USP34: variants seen among roughly 807,000 people sequenced by gnomAD.
USP34 encodes ubiquitin carboxyl-terminal hydrolase 34.
In USP34, 70 loss-of-function variants were observed where a neutral mutation model predicts 460.3. The ratio of observed to expected loss-of-function variants is 0.15; its 90% confidence interval spans 0.13 to 0.19. The LOEUF (loss-of-function observed/expected upper bound fraction) is 0.19, where lower values mean the gene tolerates loss of function less well. USP34 is among the 10% of genes least tolerant of loss of function. USP34 has a pLI of 1.00. For synonymous variants in USP34, 1,647 were observed against 1,405.3 expected, an observed-to-expected ratio of 1.17 and a Z score of -3.85; for missense variants, 3,985 against 4,236.2, an observed-to-expected ratio of 0.94 and a Z score of 1.65.
At chr2:61,277,783 T>C (rs1325926724) in intron 41 of USP34, 2 of 169,896 alleles carry the variant, frequency 1.2e-5, no homozygotes, top group Non-Finnish European at 2.5e-5. Flanking sequence ...ATTCCCATTG[T>C]TGTGGGAGGG....
At chr2:61,360,628 G>C (rs1331458006) in intron 10 of USP34, among the ~76,000 whole-genome samples, 3 of 152,176 alleles carry the variant, frequency 2.0e-5, no homozygotes, top group African/African-American at 7.2e-5. Flanking sequence ...AAAATCTACA[G>C]AGTCAACGCA....
chr2:61,314,411 C>A (rs1010306105), intron 25 of USP34, among the ~76,000 whole-genome samples, 174 bp downstream of exon 25: 3 of 152,056 alleles, frequency 2.0e-5, no homozygotes, highest in Non-Finnish European at 2.9e-5. Flanking sequence ...TATTCCAAGG[C>A]AAAATGGTAT....
chr2:61,350,430 G>A, intron 11 of USP34, 41 bp from the exon 12 acceptor site: 1 of 1,585,740 alleles, frequency 6.3e-7, no homozygotes, highest in Non-Finnish European at 8.6e-7. Flanking sequence ...AGAATTCCAG[G>A]CAACACTAAC....
intron 2 of USP34, among the ~76,000 whole-genome samples, chr2:61,407,296 G>A (rs1693903382): frequency 6.7e-6 from 1 of 149,020 alleles, no homozygotes; most frequent in African/African-American, 2.5e-5. Context: ...AGAGGCTTGA[G>A]CCCAGGAGGC....
intron 69 of USP34, among the ~76,000 whole-genome samples, chr2:61,210,441 T>C (rs954733988): frequency 2.6e-5 from 4 of 152,252 alleles, no homozygotes; most frequent in African/African-American, 9.6e-5. Context: ...AACAGTTGGC[T>C]ATACCATATA....
At chr2:61,193,522 C>T (rs745932778) in intron 75 of USP34, among the ~76,000 whole-genome samples, 2 of 152,014 alleles carry the variant, frequency 1.3e-5, no homozygotes, top group Non-Finnish European at 2.9e-5. Flanking sequence ...CTGAGTGGAC[C>T]GCATCTGGCA....
intron 75 of USP34, chr2:61,193,267 T>C: frequency 4.9e-6 from 1 of 205,316 alleles, no homozygotes; most frequent in African/African-American, 2.3e-5. Context: ...AAAAAGTTAC[T>C]GCAAGTGGCT....
chr2:61,352,694 AC>A (rs1440436777), intron 10 of USP34, among the ~76,000 whole-genome samples: 16 of 143,850 alleles, frequency 1.1e-4, no homozygotes, highest in Non-Finnish European at 2.0e-4. Context: ...AAAAAAAAAA[AC>A]CCACTCTTTC....
At chr2:61,259,470 C>A (rs530800878) in intron 44 of USP34, among the ~76,000 whole-genome samples, 1 of 151,790 alleles carries the variant, frequency 6.6e-6, no homozygotes, top group African/African-American at 2.4e-5. Flanking sequence ...TTGCTGCAAC[C>A]TCTGCCTCCT....
intron 57 of USP34, 49 bp downstream of exon 57, chr2:61,235,796 A>T (rs1274805696): frequency 6.3e-7 from 1 of 1,579,254 alleles, no homozygotes; most frequent in East Asian, 2.2e-5. Flanking sequence ...AGGGGGGGAA[A>T]AAAAAAAGAA....
At chr2:61,350,033 C>T (rs1691900645) in intron 12 of USP34, among the ~76,000 whole-genome samples, 1 of 151,792 alleles carries the variant, frequency 6.6e-6, no homozygotes, top group Non-Finnish European at 1.5e-5. Context: ...AAAAGATAAC[C>T]AAAGCTGAGA....
intron 62 of USP34, among the ~76,000 whole-genome samples, chr2:61,226,127 G>A (rs1402135024): frequency 2.0e-5 from 3 of 152,144 alleles, no homozygotes; most frequent in Non-Finnish European, 1.5e-5. Flanking sequence ...ACACCTGGCT[G>A]AGGGCCATTT....
At chr2:61,414,163 G>A (rs1160825483) in intron 2 of USP34, among the ~76,000 whole-genome samples, 1 of 151,914 alleles carries the variant, frequency 6.6e-6, no homozygotes, top group East Asian at 1.9e-4. Context: ...GCTGAGGCAG[G>A]AGAACTGCTT....
intron 43 of USP34, among the ~76,000 whole-genome samples, chr2:61,260,778 T>C (rs185560295): frequency 3.3e-5 from 5 of 152,280 alleles, no homozygotes; most frequent in African/African-American, 1.2e-4. Context: ...CGTATCAAAG[T>C]ATTGATTCAG....
chr2:61,243,492 A>G (rs1688331780), intron 51 of USP34, among the ~76,000 whole-genome samples: 1 of 152,082 alleles, frequency 6.6e-6, no homozygotes, highest in South Asian at 2.1e-4. Context: ...ATGTAAAAGA[A>G]AAAAAAAGTG....
At chr2:61,284,214 T>G (rs1689619957) in intron 35 of USP34, among the ~76,000 whole-genome samples, 1 of 152,316 alleles carries the variant, frequency 6.6e-6, no homozygotes, top group African/African-American at 2.4e-5. Flanking sequence ...TAAAGAGATG[T>G]GTGTGACAAA....
chr2:61,247,505 G>A (rs780066323), intron 49 of USP34, among the ~76,000 whole-genome samples: 2 of 152,176 alleles, frequency 1.3e-5, no homozygotes, highest in Admixed American at 6.5e-5. Context: ...CAGCTGTGAG[G>A]AGGTTCTGCT....
intron 7 of USP34, among the ~76,000 whole-genome samples, chr2:61,378,912 C>CAAAAAAAAAAAAAAAA (rs1491197501): frequency 2.3e-4 from 2 of 8,626 alleles, no homozygotes; most frequent in Non-Finnish European, 2.1e-4. Flanking sequence ...CTCAAAAAAA[C>CAAAAAAAAAAAAAAAA]GAAAAAAAAA....
At chr2:61,196,098 T>TTTTTA (rs1686798670) in intron 75 of USP34, among the ~76,000 whole-genome samples, 1 of 139,886 alleles carries the variant, frequency 7.1e-6, no homozygotes, top group African/African-American at 2.9e-5. Context: ...TTTTTTTTTT[T>TTTTTA]GAGACGGAGT....
Sources: allele counts gnomAD v4.1 joint callset (sites outside exome capture counted in the v4.1 genomes callset), GRCh38; gene constraint gnomAD v4.1.1; transcripts MANE v1.5; gene names NCBI Gene and HGNC (gene_info 2026-07-23, HGNC 2026-07-21).